DNAAF11: variants seen among roughly 807,000 people sequenced by gnomAD.
DNAAF11 encodes dynein axonemal assembly factor 11.
DNAAF11 carries 45 observed loss-of-function variants against 60.8 expected under a neutral mutation model. The ratio of observed to expected loss-of-function variants is 0.74; its 90% CI spans 0.58 to 0.95. DNAAF11 has a LOEUF of 0.95. Ranked by LOEUF, DNAAF11 falls within the 40% of genes least tolerant of loss-of-function variation. The probability of loss-of-function intolerance (pLI) is 0.00; values close to 1 mark genes in which losing one functional copy is unlikely to be tolerated. For missense variants in DNAAF11, 546 were observed against 546.2 expected, an observed-to-expected ratio of 1.00 and a Z score of 0.00; for synonymous variants, 191 against 183.5, an observed-to-expected ratio of 1.04 and a Z score of -0.33.
intron 11 of DNAAF11, among the ~76,000 whole-genome samples, chr8:132,581,377 C>T (rs866448302): frequency 5.9e-5 from 9 of 151,972 alleles, no homozygotes; most frequent in African/African-American, 1.2e-4. Flanking sequence ...TGGCTGGGTG[C>T]GGTGGCTCAC....
At chr8:132,625,147 A>G (rs763859716) in intron 6 of DNAAF11, 125 bp downstream of exon 6, 18 of 645,548 alleles carry the variant, frequency 2.8e-5, no homozygotes, top group Non-Finnish European at 3.7e-5. Context: ...CTATACTTAG[A>G]AAAAACAAAA....
Position 132,571,234 on chromosome 8 carries a change from GTGTA to G in DNAAF11, c.*1068_*1071del, listed in dbSNP as rs1283271081. Among the ~76,000 whole-genome samples, 1 of 152,196 alleles carries G rather than the reference GTGTA, an allele frequency of 6.6e-6. No individual in the cohort carries two copies. The highest frequency in any genetic ancestry group is 1.5e-5 in the Non-Finnish European group (1 of 68,036). On this transcript the variant is annotated 3_prime_UTR_variant, in exon 12 of 12. Transcript: ENST00000620350. ...CTGAACACCACCTGACATAGTCTGT[GTGTA>G]TGTATTTGTCTGCTTTGTTACTACT...
the DNAAF11 span, among the ~76,000 whole-genome samples, chr8:132,700,913 A>G: frequency 2.0e-5 from 3 of 152,228 alleles, no homozygotes; most frequent in Non-Finnish European, 4.4e-5. Context: ...ACAGAATACC[A>G]CATACTTGAT....
intron 3 of DNAAF11, chr8:132,643,809 T>C: frequency 2.3e-6 from 1 of 439,676 alleles, no homozygotes; most frequent in Admixed American, 2.4e-5. Context: ...GAATTGTGAG[T>C]AGCTACCTCT....
At chr8:132,679,145 C>T (rs1023055462), upstream of DNAAF11, among the ~76,000 whole-genome samples, 2 of 152,184 alleles carry the variant, frequency 1.3e-5, no homozygotes, top group African/African-American at 2.4e-5. Flanking sequence ...CATAGTGAAT[C>T]AGAATTTTGT....
At chr8:132,606,084 G>A (rs1818102649) in intron 10 of DNAAF11, among the ~76,000 whole-genome samples, 1 of 146,456 alleles carries the variant, frequency 6.8e-6, no homozygotes, top group Admixed American at 6.6e-5. Flanking sequence ...AATTCCTATT[G>A]CCTACTGACA....
At chr8:132,593,332 C>CATATGT (rs1816661664) in intron 10 of DNAAF11, among the ~76,000 whole-genome samples, 1 of 108,740 alleles carries the variant, frequency 9.2e-6, no homozygotes, top group South Asian at 3.1e-4. Flanking sequence ...TATATACATA[C>CATATGT]ATATATATAT....
intron 10 of DNAAF11, among the ~76,000 whole-genome samples, chr8:132,593,140 G>A (rs1167164040): frequency 1.3e-5 from 2 of 151,286 alleles, no homozygotes; most frequent in African/African-American, 2.4e-5. Flanking sequence ...GAAGAAAGGA[G>A]TACATGATTA....
intron 7 of DNAAF11, among the ~76,000 whole-genome samples, chr8:132,615,748 C>T (rs1419028737): frequency 6.6e-6 from 1 of 152,158 alleles, no homozygotes; most frequent in South Asian, 2.1e-4. Context: ...AACTGTACCC[C>T]GAGGTTGAGT....
intron 3 of DNAAF11, among the ~76,000 whole-genome samples, chr8:132,638,631 G>A (rs1170338935): frequency 1.3e-5 from 2 of 152,174 alleles, no homozygotes; most frequent in Non-Finnish European, 2.9e-5. Flanking sequence ...TCACCTAGCA[G>A]AGAGAGAATG....
At chr8:132,654,605 G>T (rs1167340317) in intron 3 of DNAAF11, among the ~76,000 whole-genome samples, 1 of 149,644 alleles carries the variant, frequency 6.7e-6, no homozygotes, top group Non-Finnish European at 1.5e-5. Flanking sequence ...AGTGAAACGA[G>T]AAATCAGTAA....
At chr8:132,621,170 C>T (rs753123416) in intron 7 of DNAAF11, among the ~76,000 whole-genome samples, 26 of 152,114 alleles carry the variant, frequency 1.7e-4, no homozygotes, top group Non-Finnish European at 3.5e-4. Flanking sequence ...TGGCGATGGG[C>T]TGTAACTGCC....
the DNAAF11 span, among the ~76,000 whole-genome samples, chr8:132,689,333 A>G: frequency 6.6e-6 from 1 of 152,128 alleles, no homozygotes; most frequent in Non-Finnish European, 1.5e-5. Context: ...GATGGGGGGA[A>G]CTAGAGTTTT....
At chr8:132,579,070 T>A (rs1347977352) in intron 11 of DNAAF11, among the ~76,000 whole-genome samples, 2 of 152,194 alleles carry the variant, frequency 1.3e-5, no homozygotes, top group Admixed American at 6.5e-5. Flanking sequence ...AGCTAGAAAG[T>A]TTACAGCAGC....
At chr8:132,622,527 G>T in intron 7 of DNAAF11, 84 bp downstream of exon 7, 2 of 1,013,248 alleles carry the variant, frequency 2.0e-6, no homozygotes, top group Non-Finnish European at 3.0e-6. Flanking sequence ...TCTTTGCAGA[G>T]CAAACCTGGA....
Position 132,572,449 on chromosome 8 carries a change from G to A in DNAAF11, c.1258C>T (p.Pro420Ser). 1.2e-6 allele frequency: 2 copies of A among 1,605,468 alleles called. No homozygotes were observed. Among genetic ancestry groups the A allele is most frequent in the Non-Finnish European group, 1.7e-6 (2 of 1,175,936 alleles). Residue 420 changes from proline (P) to serine (S), a missense_variant, in exon 12 of 12, where the codon CCT (proline) becomes TCT (serine). Physicochemically the swap from Pro to Ser is moderately conservative, Grantham distance 74 (BLOSUM62 -1). Transcript: ENST00000620350. ...SKHMEKLEVD[P>S]SKHSFPDVTN... ...ACATCAGGGAATGAGTGCTTGCTAG[G>A]GTCTACTTCTAGTTTCTCCATGTGC...
chr8:132,699,145 A>T, the DNAAF11 span, among the ~76,000 whole-genome samples: 1 of 151,706 alleles, frequency 6.6e-6, no homozygotes, highest in African/African-American at 2.4e-5. Flanking sequence ...AAAAAAAAAA[A>T]AGAATGATAA....
At chr8:132,640,332 T>C (rs1460650998) in intron 3 of DNAAF11, among the ~76,000 whole-genome samples, 1 of 152,194 alleles carries the variant, frequency 6.6e-6, no homozygotes, top group Admixed American at 6.5e-5. Flanking sequence ...CATCATCTTC[T>C]TGATGACAAC....
At chr8:132,591,884 C>T (rs370513326) in intron 10 of DNAAF11, among the ~76,000 whole-genome samples, 3 of 151,892 alleles carry the variant, frequency 2.0e-5, no homozygotes, top group Non-Finnish European at 4.4e-5. Flanking sequence ...AAAACTATTG[C>T]TTTTCCTTGG....
Sources: gnomAD v4.1 joint callset for allele counts (sites outside exome capture counted in the v4.1 genomes callset) on GRCh38, gnomAD v4.1.1 for gene constraint, MANE v1.5 for transcripts, NCBI Gene and HGNC (gene_info 2026-07-23, HGNC 2026-07-21) for gene names.